The following ABHD17B variants were observed in gnomAD, a reference collection of about 807,000 sequenced individuals.
ABHD17B encodes the protein alpha/beta hydrolase domain-containing protein 17B.
Under a neutral mutation model 26.2 loss-of-function variants are expected in ABHD17B, and 9 were observed. The ratio of observed to expected loss-of-function variants is 0.34; its 90% confidence interval spans 0.21 to 0.60. ABHD17B has a LOEUF of 0.60. Ranked by LOEUF, ABHD17B falls within the 20% of genes least tolerant of loss-of-function variation. The pLI is 0.80. For missense variants in ABHD17B, 224 were observed against 352.1 expected (o/e 0.64, Z 2.91); for synonymous variants, 127 against 122.3 (o/e 1.04, Z -0.25).
intron 1 of ABHD17B, among the ~76,000 whole-genome samples, chr9:71,906,262 G>A (rs913198375): frequency 6.6e-6 from 1 of 152,076 alleles, no homozygotes; most frequent in Non-Finnish European, 1.5e-5. Context: ...TGTGTAAAGA[G>A]GTAAGATTGC....
intron 1 of ABHD17B, among the ~76,000 whole-genome samples, chr9:71,891,267 T>C (rs2132179129): frequency 6.6e-6 from 1 of 152,360 alleles, no homozygotes; most frequent in African/African-American, 2.4e-5. Context: ...CCCTACATCC[T>C]TAGCTCTGAA....
At chr9:71,884,082 T>C (rs1250427533) in intron 1 of ABHD17B, among the ~76,000 whole-genome samples, 4 of 151,972 alleles carry the variant, frequency 2.6e-5, no homozygotes, top group Admixed American at 6.6e-5. Context: ...AAGATAGGAA[T>C]AGGCAATTCA....
Position 71,865,615 on chromosome 9 carries a change from C to T in ABHD17B, c.*1172G>A, listed in dbSNP as rs1020347847. ...GCGCAGTGGCTCATGCCTGTAATTCCGACACTTTGGGAGGCCAAGGGCAGA... is the reference window on the plus strand; with the variant it reads ...GCGCAGTGGCTCATGCCTGTAATTCTGACACTTTGGGAGGCCAAGGGCAGA... On this transcript the variant is annotated 3_prime_UTR_variant, in exon 4 of 4. Transcript: ENST00000333421. The T allele has an allele frequency of 3.1e-5, 30 of 973,730 alleles. No homozygotes were observed. Among genetic ancestry groups the T allele is most frequent in the African/African-American group, 1.1e-4 (6 of 56,890 alleles). 60.3% of individuals were successfully genotyped at this position (973,730 alleles called of 1,614,324 possible).
chr9:71,889,314 C>T (rs1479351805), intron 1 of ABHD17B, among the ~76,000 whole-genome samples: 3 of 30,932 alleles, frequency 9.7e-5, no homozygotes, highest in Non-Finnish European at 2.9e-4. Context: ...GAGACTCCGT[C>T]TAAAGAAAAA....
intron 1 of ABHD17B, among the ~76,000 whole-genome samples, chr9:71,903,743 T>A (rs1056327800): frequency 6.6e-6 from 1 of 152,224 alleles, no homozygotes; most frequent in African/African-American, 2.4e-5. Context: ...TTTCCATCAA[T>A]GTTTTAGAAT....
intron 3 of ABHD17B, among the ~76,000 whole-genome samples, chr9:71,868,052 C>A (rs377263573): frequency 2.5e-3 from 334 of 131,160 alleles, no homozygotes; most frequent in Non-Finnish European, 2.9e-3. Flanking sequence ...ACTAAAAATA[C>A]AAAAAAAAAA....
At chr9:71,906,629 G>A (rs1171832126) in intron 1 of ABHD17B, among the ~76,000 whole-genome samples, 2 of 152,000 alleles carry the variant, frequency 1.3e-5, no homozygotes, top group Admixed American at 1.3e-4. Context: ...ATCAGCCTGG[G>A]CAAGATAGCA....
intron 1 of ABHD17B, among the ~76,000 whole-genome samples, chr9:71,896,400 G>A (rs1377561010): frequency 1.3e-5 from 2 of 152,126 alleles, no homozygotes; most frequent in Non-Finnish European, 2.9e-5. Flanking sequence ...GGGCATTAAG[G>A]AATATCCCTA....
At chr9:71,884,436 T>A (rs1273789028) in intron 1 of ABHD17B, among the ~76,000 whole-genome samples, 1 of 152,052 alleles carries the variant, frequency 6.6e-6, no homozygotes, top group African/African-American at 2.4e-5. Context: ...ATTAACACAG[T>A]CAGAAGCAAA....
chr9:71,886,990 A>G (rs972304662), intron 1 of ABHD17B, among the ~76,000 whole-genome samples: 4 of 152,182 alleles, frequency 2.6e-5, no homozygotes, highest in Admixed American at 6.5e-5. Flanking sequence ...TTAAATACCA[A>G]TAAGATTCTA....
At chr9:71,865,077 A>T, downstream of ABHD17B, 2 of 871,740 alleles carry the variant, frequency 2.3e-6, no homozygotes, top group Non-Finnish European at 2.8e-6. Flanking sequence ...ATGTCCTATA[A>T]AAACGAAGGG....
intron 1 of ABHD17B, among the ~76,000 whole-genome samples, chr9:71,897,678 A>G (rs887584585): frequency 2.0e-5 from 3 of 152,200 alleles, no homozygotes; most frequent in Admixed American, 6.5e-5. Flanking sequence ...TGCACTCTCA[A>G]TATAAATGTA....
chr9:71,905,368 A>G (rs879169991), intron 1 of ABHD17B, among the ~76,000 whole-genome samples: 1 of 152,122 alleles, frequency 6.6e-6, no homozygotes, highest in Non-Finnish European at 1.5e-5. Context: ...ACCAAGTATT[A>G]TTACAAAGAA....
chr9:71,879,072 C>A (rs1208763364), intron 1 of ABHD17B, among the ~76,000 whole-genome samples: 1 of 152,168 alleles, frequency 6.6e-6, no homozygotes, highest in Non-Finnish European at 1.5e-5. Flanking sequence ...GGGAGGACTG[C>A]TGGAGCATGG....
chr9:71,906,120 C>T (rs1328938016), intron 1 of ABHD17B, among the ~76,000 whole-genome samples: 1 of 152,038 alleles, frequency 6.6e-6, no homozygotes, highest in Non-Finnish European at 1.5e-5. Flanking sequence ...CTTGAATATT[C>T]TGCTGGACAT....
chr9:71,911,132 G>A lies in ABHD17B; in HGVS notation c.-502C>T, dbSNP rs1827460537. Among the ~76,000 whole-genome samples, 1 of 152,168 alleles carries A rather than the reference G, an allele frequency of 6.6e-6. No homozygotes were observed. The highest frequency in any genetic ancestry group is 6.5e-5 in the Admixed American group (1 of 15,274). The stretch of plus-strand genomic sequence containing the variant: ...AGGCTCGTTCCGGTAGCGGGAGGAA[G>A]ACTGGAGGGGAACGGAGGGGACGAG... On this transcript the variant is annotated 5_prime_UTR_variant, in exon 1 of 4. Transcript: ENST00000333421.
chr9:71,868,978 T>C (rs901542720), intron 3 of ABHD17B, among the ~76,000 whole-genome samples: 2 of 152,178 alleles, frequency 1.3e-5, no homozygotes, highest in Admixed American at 1.3e-4. Flanking sequence ...CGTGAACCAC[T>C]GTGCCTGGCC....
chr9:71,893,474 A>G (rs1299414386), intron 1 of ABHD17B, among the ~76,000 whole-genome samples: 3 of 152,220 alleles, frequency 2.0e-5, no homozygotes, highest in South Asian at 2.1e-4. Flanking sequence ...ATTATAAAGG[A>G]TATTACAAAG....
At chr9:71,885,413 T>C (rs956514404) in intron 1 of ABHD17B, among the ~76,000 whole-genome samples, 5 of 150,406 alleles carry the variant, frequency 3.3e-5, no homozygotes, top group East Asian at 3.9e-4. Flanking sequence ...TGAGCCGAGA[T>C]TGCACCACTG....
Sources: gnomAD v4.1 joint callset for allele counts (sites outside exome capture counted in the v4.1 genomes callset) on GRCh38, gnomAD v4.1.1 for gene constraint, MANE v1.5 for transcripts, NCBI Gene and HGNC (gene_info 2026-07-23, HGNC 2026-07-21) for gene names.